The following ASAP1 variants were observed in gnomAD, a reference collection of about 807,000 sequenced individuals.
The protein encoded by ASAP1 is ArfGAP with SH3 domain, ankyrin repeat and PH domain 1.
A neutral mutation model predicts 145.2 loss-of-function variants in ASAP1; 43 were observed. That is an observed-to-expected ratio of 0.30 (90% CI 0.23 to 0.38). The LOEUF is 0.38. Among genes scored for constraint, ASAP1 ranks in the 10% least tolerant of loss-of-function variants. The pLI is 1.00. For missense variants in ASAP1, 1,018 were observed against 1,355.3 expected (o/e 0.75, Z 3.91); for synonymous variants, 546 against 515.5 (o/e 1.06, Z -0.80).
At chr8:130,366,537 G>T (rs1436353136) in intron 2 of ASAP1, among the ~76,000 whole-genome samples, 3 of 152,146 alleles carry the variant, frequency 2.0e-5, no homozygotes, top group African/African-American at 7.2e-5. Flanking sequence ...GGGTACAGAG[G>T]TATTAGGAGG....
At chr8:130,189,871 T>C (rs1268620915) in intron 5 of ASAP1, among the ~76,000 whole-genome samples, 10 of 152,236 alleles carry the variant, frequency 6.6e-5, no homozygotes, top group Non-Finnish European at 1.3e-4. Context: ...GATATTTCAC[T>C]GAAGTTTTGA....
intron 27 of ASAP1, among the ~76,000 whole-genome samples, chr8:130,065,533 G>A (rs570605912): frequency 1.3e-5 from 2 of 152,242 alleles, no homozygotes; most frequent in African/African-American, 4.8e-5. Context: ...GTTTCCTGAG[G>A]CCTAACACAT....
chr8:130,134,680 T>C (rs1307745214), intron 14 of ASAP1, among the ~76,000 whole-genome samples: 1 of 152,150 alleles, frequency 6.6e-6, no homozygotes, highest in Non-Finnish European at 1.5e-5. Context: ...TAACCACAAA[T>C]ACCATGCATA....
At chr8:130,387,947 T>C (rs1424653346) in intron 2 of ASAP1, among the ~76,000 whole-genome samples, 1 of 152,136 alleles carries the variant, frequency 6.6e-6, no homozygotes. Context: ...GTGGCAGACA[T>C]ACACAAGAGA....
rs537457896 is a variant in ASAP1 at position 130,134,357 on chromosome 8, A to C, written c.1169-13T>G. On this transcript the variant is annotated splice_polypyrimidine_tract_variant and intron_variant, in intron 14 of 29. Transcript: ENST00000518721. ...TATGTTCTATTATCTAAAATAAAAA[A>C]AAAGAAAAATAAGTGAAACCTTAGA... 356 of 1,534,280 alleles carry C rather than the reference A, an allele frequency of 2.3e-4. 4 individuals carry two copies. In the South Asian group the frequency reaches 3.9e-3, roughly 17 times the overall value.
At chr8:130,436,517 C>T (rs754964883) in intron 1 of ASAP1, among the ~76,000 whole-genome samples, 5 of 152,158 alleles carry the variant, frequency 3.3e-5, no homozygotes, top group Admixed American at 3.3e-4. Context: ...ACCATGTTGC[C>T]GAAGCTGGTC....
chr8:130,340,749 G>A, intron 3 of ASAP1: 1 of 370,230 alleles, frequency 2.7e-6, no homozygotes, highest in South Asian at 2.0e-5. Context: ...TTCACTTCCT[G>A]TGAAATGGAG....
chr8:130,214,723 A>G (rs576445965), intron 4 of ASAP1, 22 bp from the exon 5 acceptor site: 1 of 1,562,594 alleles, frequency 6.4e-7, no homozygotes, highest in Non-Finnish European at 8.7e-7. Flanking sequence ...AAAGAAGAAG[A>G]AAGGAGTCTG....
chr8:130,135,932 G>C (rs2097593573), intron 14 of ASAP1, among the ~76,000 whole-genome samples: 2 of 152,198 alleles, frequency 1.3e-5, no homozygotes, highest in Admixed American at 1.3e-4. Context: ...CCTCATGACT[G>C]ACTCTATCTT....
chr8:130,301,704 A>T (rs748475247), intron 3 of ASAP1, among the ~76,000 whole-genome samples: 26 of 152,262 alleles, frequency 1.7e-4, no homozygotes, highest in Non-Finnish European at 3.1e-4. Context: ...TTATAGGTAC[A>T]TAAAATGGGA....
intron 13 of ASAP1, among the ~76,000 whole-genome samples, chr8:130,149,080 T>C (rs916480587): frequency 2.1e-4 from 31 of 148,908 alleles, no homozygotes; most frequent in African/African-American, 7.7e-4. Context: ...ACTCCTGGGC[T>C]CAAGTGATCT....
intron 3 of ASAP1, among the ~76,000 whole-genome samples, chr8:130,245,574 A>G (rs532736556): frequency 6.6e-6 from 1 of 152,310 alleles, no homozygotes; most frequent in African/African-American, 2.4e-5. Context: ...CAAGCTATCA[A>G]CTTCCCAAGC....
At chr8:130,182,727 A>G (rs1031225886) in intron 7 of ASAP1, among the ~76,000 whole-genome samples, 2 of 151,994 alleles carry the variant, frequency 1.3e-5, no homozygotes, top group African/African-American at 4.8e-5. Context: ...GTTGGGAAGG[A>G]ACCAGAGGCA....
chr8:130,419,948 T>C (rs886326256), intron 1 of ASAP1, among the ~76,000 whole-genome samples: 6 of 139,338 alleles, frequency 4.3e-5, no homozygotes, highest in Non-Finnish European at 8.2e-5. Flanking sequence ...TGCACCACCT[T>C]CTTCTTCTTT....
At chr8:130,441,365 G>A (rs1587062428) in intron 1 of ASAP1, among the ~76,000 whole-genome samples, 1 of 152,338 alleles carries the variant, frequency 6.6e-6, no homozygotes, top group East Asian at 1.9e-4. Flanking sequence ...TTAATAAATG[G>A]GGTGACTGTT....
intron 3 of ASAP1, among the ~76,000 whole-genome samples, chr8:130,333,802 G>A (rs1824853994): frequency 6.6e-6 from 1 of 152,150 alleles, no homozygotes; most frequent in African/African-American, 2.4e-5. Flanking sequence ...AGTATTTCTG[G>A]AGGGCCTATT....
At chr8:130,117,134 A>T (rs2097557565) in intron 20 of ASAP1, 139 bp from the exon 21 acceptor site, 1 of 607,008 alleles carries the variant, frequency 1.6e-6, no homozygotes. Context: ...TGATGTTTCT[A>T]ACCTAGATTT....
intron 2 of ASAP1, among the ~76,000 whole-genome samples, chr8:130,398,726 G>T (rs1222162127): frequency 2.0e-5 from 3 of 152,132 alleles, no homozygotes; most frequent in African/African-American, 7.2e-5. Flanking sequence ...AACAACCCTT[G>T]TAAGTCTATA....
intron 3 of ASAP1, among the ~76,000 whole-genome samples, chr8:130,284,698 G>C (rs1227514393): frequency 5.3e-5 from 8 of 151,976 alleles, no homozygotes; most frequent in Non-Finnish European, 1.5e-5. Context: ...TAGCAATGCA[G>C]CTGTTAAGTT....
Sources: gnomAD v4.1 joint callset for allele counts (sites outside exome capture counted in the v4.1 genomes callset) on GRCh38, gnomAD v4.1.1 for gene constraint, MANE v1.5 for transcripts, NCBI Gene and HGNC (gene_info 2026-07-23, HGNC 2026-07-21) for gene names.